Variants in CLEC2B observed in about 807,000 individuals in gnomAD.
CLEC2B encodes the protein C-type lectin domain family 2 member B, also known as C-type (calcium dependent, carbohydrate-recognition domain) lectin, superfamily member 2 (activation-induced).
A neutral mutation model predicts 16.2 loss-of-function variants in CLEC2B; 14 were observed. The ratio of observed to expected loss-of-function variants is 0.86; its 90% CI spans 0.57 to 1.35. The LOEUF (loss-of-function observed/expected upper bound fraction) is 1.35. Ranked by LOEUF, CLEC2B falls within the 40% of genes most tolerant of loss-of-function variation. The pLI is 0.00. For synonymous variants in CLEC2B, 42 were observed against 55.8 expected (o/e 0.75, Z 1.10); for missense variants, 166 against 182.3 (o/e 0.91, Z 0.52).
At chr12:9,860,187 G>A (rs1324112699) in intron 2 of CLEC2B, among the ~76,000 whole-genome samples, 2 of 151,484 alleles carry the variant, frequency 1.3e-5, no homozygotes, top group African/African-American at 4.8e-5. Context: ...AAAGGCATAA[G>A]GTTTCCAACA....
intron 2 of CLEC2B, among the ~76,000 whole-genome samples, chr12:9,861,674 G>A (rs1326312510): frequency 1.3e-5 from 2 of 152,038 alleles, no homozygotes; most frequent in Non-Finnish European, 2.9e-5. Context: ...ATACATAGCA[G>A]TGAATGCACT....
chr12:9,860,804 A>G (rs1200646398), intron 2 of CLEC2B, among the ~76,000 whole-genome samples: 1 of 151,908 alleles, frequency 6.6e-6, no homozygotes, highest in East Asian at 1.9e-4. Flanking sequence ...AGCAAAAATG[A>G]CCTTCACCTA....
intron 3 of CLEC2B, among the ~76,000 whole-genome samples, chr12:9,855,276 A>T (rs2136976997): frequency 6.6e-6 from 1 of 152,196 alleles, no homozygotes; most frequent in South Asian, 2.1e-4. Context: ...CCCAACAGTG[A>T]CACCTGTGAC....
At chr12:9,854,663 T>A in intron 3 of CLEC2B, 179 bp from the exon 4 acceptor site, 1 of 528,732 alleles carries the variant, frequency 1.9e-6, no homozygotes, top group African/African-American at 2.0e-5. Context: ...CCTTCAGTTT[T>A]TTTTGTGAAA....
chr12:9,860,108 T>G (rs1867922421), intron 2 of CLEC2B, among the ~76,000 whole-genome samples: 1 of 151,740 alleles, frequency 6.6e-6, no homozygotes, highest in Non-Finnish European at 1.5e-5. Context: ...ACATGTAAGC[T>G]GTTACTACTT....
rs570799066 is a variant in CLEC2B at position 9,856,659 on chromosome 12, T to C, written c.237+815A>G. 6.6e-5 allele frequency among the ~76,000 whole-genome samples: 10 copies of C among 152,228 alleles called. No individual in the cohort carries two copies. The South Asian group carries it at 8.3e-4, about 13-fold the overall frequency. On this transcript the variant is annotated intron_variant, in intron 3 of 4. Transcript: ENST00000228438. ...GACTCTTGTGCTATTCTGCTTTTCATTGAAACACTTCTCAACAGCAAATTA... is the reference window on the plus strand; with the variant it reads ...GACTCTTGTGCTATTCTGCTTTTCACTGAAACACTTCTCAACAGCAAATTA...
At chr12:9,855,303 C>T (rs1867887421) in intron 3 of CLEC2B, among the ~76,000 whole-genome samples, 1 of 152,060 alleles carries the variant, frequency 6.6e-6, no homozygotes, top group African/African-American at 2.4e-5. Context: ...CATTTCAATA[C>T]ACTATCTTCA....
chr12:9,853,704 C>T (rs1451575463), intron 4 of CLEC2B, among the ~76,000 whole-genome samples: 1 of 152,090 alleles, frequency 6.6e-6, no homozygotes, highest in Non-Finnish European at 1.5e-5. Flanking sequence ...GGACACTTGA[C>T]AGTATTTGGA....
intron 4 of CLEC2B, among the ~76,000 whole-genome samples, 168 bp downstream of exon 4, chr12:9,854,213 A>G (rs977647501): frequency 3.3e-5 from 5 of 152,082 alleles, no homozygotes; most frequent in Non-Finnish European, 5.9e-5. Context: ...TTAATTTCCA[A>G]CCTTCATGGT....
chr12:9,861,906 T>G (rs1467146439), intron 2 of CLEC2B, among the ~76,000 whole-genome samples: 1 of 152,200 alleles, frequency 6.6e-6, no homozygotes, highest in Non-Finnish European at 1.5e-5. Context: ...GCATTTTCTA[T>G]GACTGTGTTT....
intron 1 of CLEC2B, among the ~76,000 whole-genome samples, chr12:9,863,138 C>T (rs749674861): frequency 1.4e-4 from 22 of 152,232 alleles, no homozygotes; most frequent in Non-Finnish European, 1.5e-4. Flanking sequence ...TGGAACACCT[C>T]GTCAGTCTTC....
At chr12:9,855,845 A>G (rs1355214699) in intron 3 of CLEC2B, among the ~76,000 whole-genome samples, 10 of 152,140 alleles carry the variant, frequency 6.6e-5, no homozygotes, top group Non-Finnish European at 1.5e-4. Flanking sequence ...ATCTCATATT[A>G]TTTTGTAATT....
chr12:9,853,987 T>G (rs941982698), intron 4 of CLEC2B, among the ~76,000 whole-genome samples: 1 of 152,060 alleles, frequency 6.6e-6, no homozygotes, highest in Non-Finnish European at 1.5e-5. Context: ...ACAGTGAAAT[T>G]GCAAATAAAA....
intron 2 of CLEC2B, among the ~76,000 whole-genome samples, chr12:9,861,141 T>C (rs779672307): frequency 2.0e-5 from 3 of 152,004 alleles, no homozygotes; most frequent in African/African-American, 4.8e-5. Context: ...GAGGGTAAAC[T>C]TCAGCTTCAT....
intron 1 of CLEC2B, among the ~76,000 whole-genome samples, chr12:9,864,261 TGA>T (rs1365808708): frequency 1.3e-5 from 2 of 150,592 alleles, no homozygotes; most frequent in African/African-American, 4.9e-5. Flanking sequence ...AAACAAAAAC[TGA>T]GAGAATTCAC....
intron 1 of CLEC2B, among the ~76,000 whole-genome samples, chr12:9,867,875 A>G (rs1013837527): frequency 2.6e-5 from 4 of 152,114 alleles, no homozygotes; most frequent in Non-Finnish European, 5.9e-5. Flanking sequence ...CTAAGGAAAG[A>G]TAAGAAAGAT....
intron 2 of CLEC2B, among the ~76,000 whole-genome samples, chr12:9,860,657 T>C (rs1867926633): frequency 6.6e-6 from 1 of 151,722 alleles, no homozygotes; most frequent in African/African-American, 2.4e-5. Flanking sequence ...CCAGGTAAAC[T>C]TGAAGAATAA....
At chr12:9,860,849 G>C (rs1205008306) in intron 2 of CLEC2B, among the ~76,000 whole-genome samples, 1 of 151,824 alleles carries the variant, frequency 6.6e-6, no homozygotes, top group Non-Finnish European at 1.5e-5. Flanking sequence ...AACTGCAGTT[G>C]AGTAGGGAAA....
chr12:9,855,504 T>A (rs1464600087), intron 3 of CLEC2B, among the ~76,000 whole-genome samples: 1 of 152,040 alleles, frequency 6.6e-6, no homozygotes, highest in East Asian at 1.9e-4. Context: ...CAATACAATG[T>A]GAAATTGGAA....
Sources: gnomAD v4.1 joint callset for allele counts (sites outside exome capture counted in the v4.1 genomes callset) on GRCh38, gnomAD v4.1.1 for gene constraint, MANE v1.5 for transcripts, NCBI Gene and HGNC (gene_info 2026-07-23, HGNC 2026-07-21) for gene names.